RRBP1: variants seen among roughly 807,000 people sequenced by gnomAD.
RRBP1 encodes the protein ribosome binding protein 1.
Under a neutral mutation model 165.2 loss-of-function variants are expected in RRBP1, and 94 were observed. The observed-to-expected ratio is 0.57, with a 90% CI of 0.48 to 0.68. RRBP1 has a LOEUF of 0.68. Among genes scored for constraint, RRBP1 ranks in the 30% least tolerant of loss-of-function variants. The pLI is 0.00. For synonymous variants in RRBP1, 680 were observed against 714.5 expected (o/e 0.95, Z 0.77); for missense variants, 1,676 against 1,763.0 (o/e 0.95, Z 0.88).
At chr20:17,631,171 C>T (rs1249306816) in intron 8 of RRBP1, among the ~76,000 whole-genome samples, 1 of 152,264 alleles carries the variant, frequency 6.6e-6, no homozygotes, top group Non-Finnish European at 1.5e-5. Context: ...CCAGAAAGCA[C>T]ACCTGCTTCT....
intron 5 of RRBP1, among the ~76,000 whole-genome samples, chr20:17,641,171 C>A (rs2122357538): frequency 6.6e-6 from 1 of 152,312 alleles, no homozygotes; most frequent in South Asian, 2.1e-4. Context: ...GGAAGAACAG[C>A]CCCTATGCCA....
chr20:17,665,345 T>C (rs1237819541), intron 2 of RRBP1, among the ~76,000 whole-genome samples: 1 of 152,226 alleles, frequency 6.6e-6, no homozygotes, highest in Non-Finnish European at 1.5e-5. Context: ...TGTGAGAATA[T>C]TCATATAGAT....
chr20:17,641,627 C>G, intron 5 of RRBP1, 170 bp downstream of exon 5: 1 of 810,248 alleles, frequency 1.2e-6, no homozygotes, highest in East Asian at 2.5e-5. Context: ...GCTGCCGGCC[C>G]TTGGCTCTTT....
chr20:17,626,657 G>C (rs2036026977), intron 11 of RRBP1, among the ~76,000 whole-genome samples: 1 of 152,208 alleles, frequency 6.6e-6, no homozygotes, highest in Non-Finnish European at 1.5e-5. Flanking sequence ...ACGGCGGCCA[G>C]GACCTGCCTC....
chr20:17,614,024 A>G lies in RRBP1; in HGVS notation c.*158T>C. 1.4e-6 allele frequency: 1 copy of G among 713,104 alleles called. No homozygotes were observed. The highest frequency in any genetic ancestry group is 1.7e-5 in the South Asian group (1 of 58,978). The allele number at this position is 713,104 out of a possible 1,614,324, so 44.2% of individuals were successfully genotyped here. ...TACAAACTGGGGCTCTGGAAGGTCT[A>G]CTTCTGTGGCTCTAAGAGACTTGTC... is the stretch of plus-strand genomic sequence containing the variant. On this transcript the variant is annotated 3_prime_UTR_variant, in exon 25 of 25. Transcript: ENST00000377813.
At chr20:17,649,528 C>T (rs1291651268) in intron 3 of RRBP1, among the ~76,000 whole-genome samples, 1 of 134,036 alleles carries the variant, frequency 7.5e-6, no homozygotes, top group Non-Finnish European at 1.5e-5. Context: ...GTCAGACCTG[C>T]TGTGCTAAGC....
At position 17,614,513 on chromosome 20, in the gene RRBP1, C is replaced by T. The variant is rs553239723; in HGVS notation, c.4194+224G>A. 2.0e-5 allele frequency among the ~76,000 whole-genome samples: 3 copies of T among 152,202 alleles called. No homozygotes were observed. In the South Asian group the frequency reaches 6.2e-4, roughly 32 times the overall value. On this transcript the variant is annotated intron_variant, in intron 24 of 24. Transcript: ENST00000377813. ...GGGGGATCAGACACTCGCTTCCCAG[C>T]AAGGGAACCCCAGAAGGGTGGGTGG...
chr20:17,614,950 G>C (rs1418431631), intron 23 of RRBP1, 70 bp from the exon 24 acceptor site: 1 of 1,542,936 alleles, frequency 6.5e-7, no homozygotes, highest in East Asian at 2.3e-5. Flanking sequence ...TATGCCCACA[G>C]GACCCTGACG....
chr20:17,669,729 A>G (rs997896270), intron 2 of RRBP1, among the ~76,000 whole-genome samples: 1 of 152,206 alleles, frequency 6.6e-6, no homozygotes, highest in African/African-American at 2.4e-5. Context: ...TACAAATGGT[A>G]GCTCTGAAGT....
chr20:17,669,163 A>C (rs535541763), intron 2 of RRBP1, among the ~76,000 whole-genome samples: 15 of 152,370 alleles, frequency 9.8e-5, no homozygotes, highest in South Asian at 8.3e-4. Flanking sequence ...GAAACACTAA[A>C]AATAGAAATG....
At position 17,643,372 on chromosome 20, in the gene RRBP1, G is replaced by T. The variant is rs2036403235; in HGVS notation, c.1913-245C>A. ...TCGCCCATAGGAAGTCCCAGCCTGGGGTGGAAGTAGAGCTCCTCTTTTTTT... is the reference window on the plus strand; with the variant it reads ...TCGCCCATAGGAAGTCCCAGCCTGGTGTGGAAGTAGAGCTCCTCTTTTTTT... On this transcript the variant is annotated intron_variant, in intron 3 of 24. Coordinates refer to ENST00000377813, the MANE Select transcript of RRBP1 (RefSeq NM_001365613.2). This position sits in a 1 kb window ranked among gnomAD's most constrained non-coding sequence, Gnocchi z 4.3. 6.6e-6 allele frequency among the ~76,000 whole-genome samples: 1 copy of T among 152,078 alleles called. No individual in the cohort carries two copies. The highest frequency in any genetic ancestry group is 2.4e-5 in the African/African-American group (1 of 41,420).
chr20:17,625,742 C>A (rs2036005800), intron 11 of RRBP1, 140 bp from the exon 12 acceptor site: 3 of 668,604 alleles, frequency 4.5e-6, no homozygotes, highest in Non-Finnish European at 7.7e-6. Flanking sequence ...GCTGCCCCCA[C>A]CTCACCCAGC....
Position 17,620,346 on chromosome 20 carries a change from C to T in RRBP1, c.3532G>A (p.Glu1178Lys), listed in dbSNP as rs201189565. 9 of 1,613,852 alleles carry T rather than the reference C, an allele frequency of 5.6e-6. No homozygotes were observed. Among genetic ancestry groups the T allele is most frequent in the African/African-American group, 2.7e-5 (2 of 75,032 alleles). ...QKSRVTVKHL[E>K]EIVEKLKGEL... ...CCTTTTAGCTTCTCTACAATCTCTTCGAGATGCTTCACTGTGACCCGGGAC... is the reference window on the plus strand; with the variant it reads ...CCTTTTAGCTTCTCTACAATCTCTTTGAGATGCTTCACTGTGACCCGGGAC... Residue 1178 changes from glutamate (E) to lysine (K), a missense_variant, in exon 18 of 25, where the codon GAA becomes AAA. Glu to Lys is a moderately conservative substitution (Grantham distance 56). This residue lies in a region of RRBP1 where 1,184 missense variants were observed against 1,167.1 expected (regional missense o/e 1.01). Coordinates refer to ENST00000377813, the MANE Select transcript of RRBP1 (RefSeq NM_001365613.2).
intron 2 of RRBP1, among the ~76,000 whole-genome samples, chr20:17,676,437 G>T (rs925455828): frequency 2.0e-5 from 3 of 152,122 alleles, no homozygotes; most frequent in Admixed American, 2.0e-4. Flanking sequence ...AGCCCAGGGA[G>T]GAGAAGTCAT....
At chr20:17,660,863 C>A (rs2036753155) in intron 2 of RRBP1, among the ~76,000 whole-genome samples, 1 of 152,178 alleles carries the variant, frequency 6.6e-6, no homozygotes, top group East Asian at 1.9e-4. Context: ...CAAAGATGCA[C>A]AGGAGCACAA....
chr20:17,629,726 C>T (rs765126393), intron 9 of RRBP1, 97 bp downstream of exon 9: 70 of 1,335,374 alleles, frequency 5.2e-5, no homozygotes, highest in Non-Finnish European at 6.6e-5. Context: ...CCCAACAGGC[C>T]TAACCCACTG....
intron 2 of RRBP1, among the ~76,000 whole-genome samples, chr20:17,665,295 T>A (rs1299522671): frequency 6.6e-6 from 1 of 152,212 alleles, no homozygotes; most frequent in Admixed American, 6.5e-5. Flanking sequence ...TAAGTGACAT[T>A]GTTCTGGGTG....
rs987357322 is a variant in RRBP1 at position 17,627,445 on chromosome 20, C to A, written c.2928+59G>T. The A allele has an allele frequency of 8.1e-6, 13 of 1,609,640 alleles. No homozygotes were observed. In the African/African-American group the frequency reaches 1.5e-4, roughly 18 times the overall value. On this transcript the variant is annotated intron_variant, in intron 10 of 24. Coordinates refer to ENST00000377813, the MANE Select transcript of RRBP1 (RefSeq NM_001365613.2). ...ACTCATCTCACGCAGCGGGGCTAGT[C>A]CACCCACCTGCTAGATGGAGTTCCC...
intron 9 of RRBP1, among the ~76,000 whole-genome samples, 183 bp from the exon 10 acceptor site, chr20:17,627,865 G>A (rs1361067738): frequency 6.6e-6 from 1 of 152,204 alleles, no homozygotes; most frequent in Non-Finnish European, 1.5e-5. Context: ...AGCGGTTGAA[G>A]AAAGTGCCAC....
Sources: allele counts gnomAD v4.1 joint callset (sites outside exome capture counted in the v4.1 genomes callset), GRCh38; gene constraint gnomAD v4.1.1; regional missense constraint gnomAD v4.1.1; non-coding constraint Gnocchi (gnomAD v3.1); transcripts MANE v1.5; gene names NCBI Gene and HGNC (gene_info 2026-07-23, HGNC 2026-07-21).